The following DCC variants were observed in gnomAD, a reference collection of about 807,000 sequenced individuals.
DCC encodes DCC netrin 1 receptor, also known as netrin receptor DCC.
In DCC, 58 loss-of-function variants were observed where a neutral mutation model predicts 172.5. That is an observed-to-expected ratio of 0.34 (90% CI 0.27 to 0.42). The LOEUF is 0.42. DCC is among the 10% of genes least tolerant of loss of function. The pLI is 1.00. For missense variants in DCC, 1,740 were observed against 1,791.0 expected (o/e 0.97, Z 0.51); for synonymous variants, 709 against 644.5 (o/e 1.10, Z -1.52).
intron 5 of DCC, among the ~76,000 whole-genome samples, chr18:52,955,095 C>T (rs982672053): frequency 1.3e-5 from 2 of 152,048 alleles, no homozygotes; most frequent in Non-Finnish European, 2.9e-5. Flanking sequence ...TAGGTTTCAC[C>T]CTTGGTGTTG....
At chr18:53,031,908 A>G (rs1403645110) in intron 5 of DCC, among the ~76,000 whole-genome samples, 2 of 151,830 alleles carry the variant, frequency 1.3e-5, no homozygotes, top group Non-Finnish European at 2.9e-5. Flanking sequence ...ACTAATTTTA[A>G]TTTTCTGTTA....
At chr18:52,554,554 G>A (rs534153190) in intron 1 of DCC, among the ~76,000 whole-genome samples, 22 of 152,206 alleles carry the variant, frequency 1.4e-4, no homozygotes, top group African/African-American at 3.1e-4. Context: ...TAGCAGAAAC[G>A]TGAAAAATCA....
At chr18:53,049,900 G>C (rs866801139) in intron 5 of DCC, among the ~76,000 whole-genome samples, 1 of 152,022 alleles carries the variant, frequency 6.6e-6, no homozygotes, top group Non-Finnish European at 1.5e-5. Flanking sequence ...CCCACAATAG[G>C]CCATCTGCAA....
intron 1 of DCC, among the ~76,000 whole-genome samples, chr18:52,509,544 T>A (rs1242369977): frequency 6.6e-6 from 1 of 152,166 alleles, no homozygotes; most frequent in African/African-American, 2.4e-5. Flanking sequence ...CTTTATGAGA[T>A]GAATGTCAGC....
intron 9 of DCC, among the ~76,000 whole-genome samples, chr18:53,201,589 G>A (rs2055538426): frequency 6.6e-6 from 1 of 152,040 alleles, no homozygotes; most frequent in Non-Finnish European, 1.5e-5. Flanking sequence ...AATTATTTAT[G>A]TTTTTTTCTT....
chr18:53,033,621 G>GC (rs1477609871), intron 5 of DCC, among the ~76,000 whole-genome samples: 1 of 152,074 alleles, frequency 6.6e-6, no homozygotes, highest in Non-Finnish European at 1.5e-5. Flanking sequence ...CATTGTTGCA[G>GC]CATCTGTCTT....
intron 1 of DCC, among the ~76,000 whole-genome samples, chr18:52,496,271 C>CTGCATATTCTTGAT (rs1379752093): frequency 6.6e-6 from 1 of 152,016 alleles, no homozygotes; most frequent in Non-Finnish European, 1.5e-5. Context: ...TATTTTTGTG[C>CTGCATATTCTTGAT]TGCAGTTAGC....
At chr18:52,853,015 C>G (rs879617872) in intron 2 of DCC, among the ~76,000 whole-genome samples, 3 of 152,038 alleles carry the variant, frequency 2.0e-5, no homozygotes, top group Admixed American at 2.0e-4. Flanking sequence ...CATTTTCCCC[C>G]AAAGTTTCTG....
intron 5 of DCC, among the ~76,000 whole-genome samples, chr18:52,927,203 A>G (rs992970905): frequency 3.0e-5 from 4 of 134,720 alleles, no homozygotes; most frequent in Non-Finnish European, 6.5e-5. Flanking sequence ...ATATAGGTGT[A>G]TATGTACATA....
intron 5 of DCC, among the ~76,000 whole-genome samples, chr18:53,030,593 C>G (rs2042013650): frequency 6.6e-6 from 1 of 152,010 alleles, no homozygotes; most frequent in Non-Finnish European, 1.5e-5. Context: ...GAGTAATAAC[C>G]AGAGGCTATG....
At chr18:52,858,193 A>G (rs993734977) in intron 2 of DCC, among the ~76,000 whole-genome samples, 2 of 152,232 alleles carry the variant, frequency 1.3e-5, no homozygotes, top group Non-Finnish European at 2.9e-5. Flanking sequence ...GTAGGAAGGA[A>G]GGCTAGCACG....
intron 14 of DCC, among the ~76,000 whole-genome samples, chr18:53,337,142 T>C (rs541270049): frequency 6.6e-6 from 1 of 152,380 alleles, no homozygotes; most frequent in African/African-American, 2.4e-5. Context: ...TATTCTATGG[T>C]TTGCAGAAAT....
chr18:53,051,794 T>C (rs1317281017), intron 5 of DCC, among the ~76,000 whole-genome samples: 1 of 152,104 alleles, frequency 6.6e-6, no homozygotes, highest in Non-Finnish European at 1.5e-5. Context: ...TTACGCCTCA[T>C]CTTGTATCTT....
intron 5 of DCC, among the ~76,000 whole-genome samples, chr18:52,992,948 C>T (rs971905469): frequency 2.0e-5 from 3 of 148,732 alleles, no homozygotes; most frequent in African/African-American, 7.5e-5. Context: ...CACTGCACTA[C>T]AGCCTGGGTG....
intron 2 of DCC, among the ~76,000 whole-genome samples, chr18:52,861,032 T>A (rs958790614): frequency 2.1e-4 from 28 of 131,244 alleles, no homozygotes; most frequent in East Asian, 1.1e-3. Context: ...AAAAAAAAAA[T>A]TTTGGCTTCA....
chr18:53,532,730 A>AC lies in DCC; in HGVS notation c.*2077_*2078insC, dbSNP rs1414792341. On this transcript the variant is annotated 3_prime_UTR_variant, in exon 29 of 29. Transcript: ENST00000442544. The stretch of plus-strand genomic sequence containing the variant: ...TTAGGCACTTGACACCCACGAGGGT[A>AC]ATCCTGAGTGCTCAGTTTGGAATAG... 21 of 152,106 alleles carry AC rather than the reference A, an allele frequency of 1.4e-4. No individual in the cohort carries two copies. The highest frequency in any genetic ancestry group is 9.8e-4 in the Admixed American group (15 of 15,272). 9.4% of individuals were successfully genotyped at this position (152,106 alleles called of 1,614,324 possible).
At chr18:53,510,524 G>A (rs893167522) in intron 27 of DCC, among the ~76,000 whole-genome samples, 4 of 152,172 alleles carry the variant, frequency 2.6e-5, no homozygotes, top group African/African-American at 9.7e-5. Context: ...TGTTTGAGGA[G>A]GCTGGAGAGT....
At chr18:52,362,260 A>G (rs1372356357) in intron 1 of DCC, among the ~76,000 whole-genome samples, 1 of 152,222 alleles carries the variant, frequency 6.6e-6, no homozygotes, top group Non-Finnish European at 1.5e-5. Flanking sequence ...AGCTCCATTT[A>G]TCCAACCATT....
intron 2 of DCC, among the ~76,000 whole-genome samples, chr18:52,866,211 G>C (rs1162635791): frequency 6.6e-6 from 1 of 152,062 alleles, no homozygotes; most frequent in Non-Finnish European, 1.5e-5. Flanking sequence ...GTAGATGTGT[G>C]GTGTTATTTC....
Sources: allele counts gnomAD v4.1 joint callset (sites outside exome capture counted in the v4.1 genomes callset), GRCh38; gene constraint gnomAD v4.1.1; transcripts MANE v1.5; gene names NCBI Gene and HGNC (gene_info 2026-07-23, HGNC 2026-07-21).